Variants in KPNA7 observed in about 807,000 individuals in gnomAD.
KPNA7 encodes importin subunit alpha-8.
Under a neutral mutation model 53.7 loss-of-function variants are expected in KPNA7, and 54 were observed. That is an observed-to-expected ratio of 1.01 (90% CI 0.81 to 1.26). KPNA7 has a LOEUF of 1.26. Among genes scored for constraint, KPNA7 ranks in the 50% most tolerant of loss-of-function variants. KPNA7 has a pLI of 0.00. For missense variants in KPNA7, 640 were observed against 644.5 expected (o/e 0.99, Z 0.07); for synonymous variants, 276 against 259.3 (o/e 1.06, Z -0.62).
In KPNA7 at chr7:99,193,189, C is replaced by A. The variant is rs964804774; in HGVS notation, c.554-88G>T. The A allele has an allele frequency of 6.5e-6, 5 of 765,166 alleles. No homozygotes were observed. In the African/African-American group the frequency reaches 7.4e-5, roughly 11 times the overall value. 47.4% of individuals were successfully genotyped at this position (765,166 alleles called of 1,614,324 possible). ...TAATTTTTTAAGAGTGTGCAAAGGG[C>A]AAGAGACAAAAACTCATTCCCGGGT... On this transcript the variant is annotated intron_variant, in intron 5 of 10. Coordinates refer to ENST00000327442, the MANE Select transcript of KPNA7 (RefSeq NM_001145715.3).
chr7:99,147,684 G>A, the KPNA7 span, among the ~76,000 whole-genome samples: 3 of 152,020 alleles, frequency 2.0e-5, no homozygotes, highest in Non-Finnish European at 4.4e-5. Flanking sequence ...CCAGCTACTC[G>A]GGAGGCTGAG....
At chr7:99,151,923 G>A in the KPNA7 span, among the ~76,000 whole-genome samples, 1 of 151,984 alleles carries the variant, frequency 6.6e-6, no homozygotes, top group East Asian at 1.9e-4. Context: ...GGTGGCTCAC[G>A]CCTGTAATCC....
At chr7:99,192,610 A>G (rs1284174007) in intron 6 of KPNA7, among the ~76,000 whole-genome samples, 2 of 151,958 alleles carry the variant, frequency 1.3e-5, no homozygotes, top group South Asian at 2.1e-4. Flanking sequence ...TGGTCTCACT[A>G]TGTTGCCCAG....
chr7:99,181,486 G>A (rs1222796727), intron 9 of KPNA7, among the ~76,000 whole-genome samples: 1 of 152,184 alleles, frequency 6.6e-6, no homozygotes, highest in Non-Finnish European at 1.5e-5. Flanking sequence ...GGCTCTTTTT[G>A]TGTTTATCCA....
intron 9 of KPNA7, among the ~76,000 whole-genome samples, chr7:99,180,662 CATCTGTGT>C (rs1799147714): frequency 2.2e-5 from 2 of 89,912 alleles, no homozygotes; most frequent in East Asian, 5.0e-4. Flanking sequence ...TCTCTCTCCC[CATCTGTGT>C]GTGTGTCTCT....
intron 1 of KPNA7, among the ~76,000 whole-genome samples, chr7:99,215,095 T>A (rs1465362596): frequency 6.6e-6 from 1 of 151,772 alleles, no homozygotes; most frequent in Non-Finnish European, 1.5e-5. Context: ...TATTAGAAAC[T>A]CGGCGCGGTG....
intron 3 of KPNA7, among the ~76,000 whole-genome samples, chr7:99,200,155 A>G (rs1437152297): frequency 6.6e-6 from 1 of 152,206 alleles, no homozygotes; most frequent in African/African-American, 2.4e-5. Flanking sequence ...CATCCGCCTC[A>G]GCCTCCTAAT....
chr7:99,190,275 T>C (rs1789868151), intron 6 of KPNA7, among the ~76,000 whole-genome samples: 1 of 147,876 alleles, frequency 6.8e-6, no homozygotes, highest in African/African-American at 2.5e-5. Flanking sequence ...AGGCGGAGGT[T>C]GCAGTGAGCT....
intron 1 of KPNA7, among the ~76,000 whole-genome samples, chr7:99,219,287 A>G (rs192566930): frequency 1.3e-3 from 194 of 152,286 alleles, no homozygotes; most frequent in African/African-American, 4.3e-3. Flanking sequence ...GTTGAGGGGA[A>G]TTCCTTCTAG....
In KPNA7 at chr7:99,193,038, A is replaced by C; in HGVS notation, c.617T>G (p.Leu206Trp). 1 of 1,506,394 alleles carries C rather than the reference A, an allele frequency of 6.6e-7. No individual in the cohort carries two copies. The highest frequency in any genetic ancestry group is 8.8e-7 in the Non-Finnish European group (1 of 1,130,542). 93.3% of individuals were successfully genotyped at this position (1,506,394 alleles called of 1,614,324 possible). A position where few individuals can be genotyped will look rare whatever the true frequency, so the allele number is the denominator to read the frequency against. Residue 206 changes from leucine to tryptophan, a missense_variant, in exon 6 of 11, where the codon TTG becomes TGG. Physicochemically the swap from Leu to Trp is moderately conservative, Grantham distance 61 (BLOSUM62 -2). Coordinates refer to ENST00000327442, the MANE Select transcript of KPNA7 (RefSeq NM_001145715.3). Reference protein sequence around the residue: ...TSNAIPHLLALISPTLPITFL... With the variant: ...TSNAIPHLLAWISPTLPITFL... ...ACTTACCGGCAGGGTGGGTGAAATCAAGGCTAGGAGATGTGGGATGGCATT... is the reference window on the plus strand; with the variant it reads ...ACTTACCGGCAGGGTGGGTGAAATCCAGGCTAGGAGATGTGGGATGGCATT...
chr7:99,207,335 T>C, intron 2 of KPNA7, 66 bp downstream of exon 2: 10 of 1,417,454 alleles, frequency 7.1e-6, no homozygotes, highest in Non-Finnish European at 9.7e-6. Flanking sequence ...GCCTGGTCTC[T>C]TCACCCCGCT....
chr7:99,162,689 G>C, the KPNA7 span, among the ~76,000 whole-genome samples: 1 of 152,152 alleles, frequency 6.6e-6, no homozygotes, highest in Non-Finnish European at 1.5e-5. Flanking sequence ...GAGCCAACAA[G>C]GTTAGATCAC....
At chr7:99,206,755 C>T (rs1790832999) in intron 2 of KPNA7, among the ~76,000 whole-genome samples, 1 of 152,168 alleles carries the variant, frequency 6.6e-6, no homozygotes, top group Non-Finnish European at 1.5e-5. Flanking sequence ...CAGGCATGAG[C>T]TACCATGCCC....
chr7:99,167,241 G>A, the KPNA7 span, among the ~76,000 whole-genome samples: 1 of 152,088 alleles, frequency 6.6e-6, no homozygotes, highest in Non-Finnish European at 1.5e-5. Context: ...AGATCTACCA[G>A]ACTACCTTCT....
chr7:99,212,806 G>A (rs902702629), upstream of KPNA7, among the ~76,000 whole-genome samples: 7 of 151,934 alleles, frequency 4.6e-5, no homozygotes, highest in Admixed American at 3.9e-4. Context: ...TGGGAGGATC[G>A]CCTGAGCCCC....
At chr7:99,189,062 T>C (rs1378298261) in intron 6 of KPNA7, among the ~76,000 whole-genome samples, 1 of 152,204 alleles carries the variant, frequency 6.6e-6, no homozygotes, top group Non-Finnish European at 1.5e-5. Context: ...GGTTCGTATT[T>C]CACATTCCAA....
chr7:99,188,797 C>A (rs1789776804), intron 6 of KPNA7, among the ~76,000 whole-genome samples: 1 of 152,144 alleles, frequency 6.6e-6, no homozygotes, highest in Non-Finnish European at 1.5e-5. Context: ...CCTCCCTCAG[C>A]CTCCTGAGTA....
chr7:99,161,068 A>C, the KPNA7 span, among the ~76,000 whole-genome samples: 1 of 152,096 alleles, frequency 6.6e-6, no homozygotes, highest in Non-Finnish European at 1.5e-5. Flanking sequence ...CACCATGTTT[A>C]CCAGGTTGGT....
At chr7:99,176,837 G>A (rs561490043) in intron 10 of KPNA7, among the ~76,000 whole-genome samples, 10 of 152,124 alleles carry the variant, frequency 6.6e-5, no homozygotes, top group East Asian at 1.9e-4. Flanking sequence ...CAACCATTGC[G>A]GCCATTGCCT....
Sources: gnomAD v4.1 joint callset for allele counts (sites outside exome capture counted in the v4.1 genomes callset) on GRCh38, gnomAD v4.1.1 for gene constraint, MANE v1.5 for transcripts, NCBI Gene and HGNC (gene_info 2026-07-23, HGNC 2026-07-21) for gene names.